The following PCDHGA8 variants were observed in gnomAD, a reference collection of about 807,000 sequenced individuals.
PCDHGA8 encodes the protein protocadherin gamma subfamily A, 8, also known as protocadherin gamma-A8.
In PCDHGA8, 45 loss-of-function variants were observed where a neutral mutation model predicts 59.2. The ratio of observed to expected loss-of-function variants is 0.76; its 90% CI spans 0.60 to 0.98. The LOEUF (loss-of-function observed/expected upper bound fraction) is 0.98, where lower values mean the gene tolerates loss of function less well. PCDHGA8 is among the 50% of genes least tolerant of loss of function. PCDHGA8 has a pLI of 0.00. For missense variants in PCDHGA8, 1,257 were observed against 1,196.2 expected (o/e 1.05, Z -0.75); for synonymous variants, 531 against 519.0 (o/e 1.02, Z -0.32).
At position 141,393,516 on chromosome 5, in the gene PCDHGA8, A is replaced by G. The variant is rs368866192; in HGVS notation, c.703A>G (p.Thr235Ala). 1.5e-5 allele frequency: 24 copies of G among 1,614,046 alleles called. No homozygotes were observed. Among genetic ancestry groups the G allele is most frequent in the African/African-American group, 2.7e-5 (2 of 75,084 alleles). ...TVRIHVTVLD[T>A]NDNAPVFPHP... ...GCGCATCCACGTGACAGTGTTGGAT[A>G]CAAATGACAATGCCCCGGTTTTTCC... is the stretch of plus-strand genomic sequence containing the variant. The change falls in exon 1 of 4, where the codon ACA becomes GCA. Residue 235 changes from threonine to alanine, a missense_variant. Transcript: ENST00000398604.
intron 1 of PCDHGA8, chr5:141,409,553 G>T: frequency 6.2e-7 from 1 of 1,613,972 alleles, no homozygotes; most frequent in Non-Finnish European, 8.5e-7. Context: ...CAACGCCCCA[G>T]TTTTCGACCA....
Position 141,485,943 on chromosome 5 carries a change from C to T in PCDHGA8, c.2425-8864C>T, listed in dbSNP as rs750871245. On this transcript the variant is annotated intron_variant, in intron 1 of 3. Transcript: ENST00000398604. This position sits in a 1 kb window ranked among gnomAD's most constrained non-coding sequence, Gnocchi z 5.7. Reference sequence around the variant, plus strand: ...ATTAGTGTGTTGGAGAGCGCACCAGCGGGCATGGTGCTCATCCAGCTCAAT... The same window carrying T: ...ATTAGTGTGTTGGAGAGCGCACCAGTGGGCATGGTGCTCATCCAGCTCAAT... The T allele has an allele frequency of 1.9e-6, 3 of 1,614,126 alleles. No homozygotes were observed. In the South Asian group the frequency reaches 3.3e-5, roughly 18 times the overall value.
intron 3 of PCDHGA8, chr5:141,507,000 TGA>T (rs1235660361): frequency 1.3e-5 from 2 of 152,218 alleles, no homozygotes; most frequent in African/African-American, 4.8e-5. Flanking sequence ...ACTCGACAGA[TGA>T]GAGAACCGAG....
chr5:141,485,466 T>C lies in PCDHGA8; in HGVS notation c.2425-9341T>C, dbSNP rs1485922901. ...ATCGACCGAGAGGCACTGTGTGGGC[T>C]CAGTGCCAGCTGCATCGTGCCCCTG... On this transcript the variant is annotated intron_variant, in intron 1 of 3. Transcript: ENST00000398604. The surrounding 1 kb of genome is among the most constrained non-coding windows in gnomAD (Gnocchi z 5.7). 6.2e-7 allele frequency: 1 copy of C among 1,613,868 alleles called. No individual in the cohort carries two copies. Among genetic ancestry groups the C allele is most frequent in the Non-Finnish European group, 8.5e-7 (1 of 1,179,924 alleles).
Position 141,477,650 on chromosome 5 carries a change from A to C in PCDHGA8, c.2425-17157A>C. The C allele has an allele frequency of 6.2e-7, 1 of 1,614,210 alleles. No homozygotes were observed. Among genetic ancestry groups the C allele is most frequent in the Non-Finnish European group, 8.5e-7 (1 of 1,180,036 alleles). On this transcript the variant is annotated intron_variant, in intron 1 of 3. Coordinates refer to ENST00000398604, the MANE Select transcript of PCDHGA8 (RefSeq NM_032088.2). The surrounding 1 kb of genome is among the most constrained non-coding windows in gnomAD (Gnocchi z 4.9). The stretch of plus-strand genomic sequence containing the variant: ...CGGGCTAGTGGGTCGCTATTTCACA[A>C]TAAATCGTGACAATGGCATAGTGTC...
intron 1 of PCDHGA8, chr5:141,404,241 C>A (rs960579159): frequency 6.2e-7 from 1 of 1,613,458 alleles, no homozygotes; most frequent in African/African-American, 1.3e-5. Context: ...AGAGGAACTC[C>A]GCCCCTGTCC....
At chr5:141,472,980 CAAAA>C (rs60579131) in intron 1 of PCDHGA8, among the ~76,000 whole-genome samples, 3 of 86,106 alleles carry the variant, frequency 3.5e-5, no homozygotes, top group Admixed American at 1.2e-4. Context: ...GAGTGAAACT[CAAAA>C]AAAAAAAAAA....
In PCDHGA8 at chr5:141,432,002, G is replaced by T; in HGVS notation, c.2424+36765G>T. The T allele has an allele frequency of 6.2e-7, 1 of 1,614,186 alleles. No homozygotes were observed. The highest frequency in any genetic ancestry group is 1.1e-5 in the South Asian group (1 of 91,090). ...AGACATAGTCTTGGATAGGGAACAGGTTCCTAGCTACAACATCACAGTGAC... is the reference window on the plus strand; with the variant it reads ...AGACATAGTCTTGGATAGGGAACAGTTTCCTAGCTACAACATCACAGTGAC... On this transcript the variant is annotated intron_variant, in intron 1 of 3. Coordinates refer to ENST00000398604, the MANE Select transcript of PCDHGA8 (RefSeq NM_032088.2). The surrounding 1 kb of genome is among the most constrained non-coding windows in gnomAD (Gnocchi z 6.0).
intron 1 of PCDHGA8, chr5:141,409,037 T>G (rs770619339): frequency 1.2e-6 from 2 of 1,613,992 alleles, no homozygotes; most frequent in South Asian, 2.2e-5. Context: ...TGAGATAAAC[T>G]ACTACTTCCG....
intron 1 of PCDHGA8, chr5:141,400,483 C>G (rs748464990): frequency 1.4e-5 from 22 of 1,613,902 alleles, no homozygotes; most frequent in Non-Finnish European, 1.7e-5. Context: ...GGCCTTATTT[C>G]CACTTTGTAA....
chr5:141,403,540 G>A (rs752983401), intron 1 of PCDHGA8: 2 of 1,613,886 alleles, frequency 1.2e-6, no homozygotes, highest in African/African-American at 2.7e-5. Context: ...AGCTGGTGCT[G>A]GAGCGCGCCC....
chr5:141,459,260 T>G (rs551625614), intron 1 of PCDHGA8, among the ~76,000 whole-genome samples: 1 of 152,344 alleles, frequency 6.6e-6, no homozygotes, highest in South Asian at 2.1e-4. Flanking sequence ...TAAATTAGTG[T>G]TGCCTCTTTC....
intron 1 of PCDHGA8, among the ~76,000 whole-genome samples, chr5:141,472,409 C>T (rs2099279484): frequency 6.6e-6 from 1 of 152,016 alleles, no homozygotes; most frequent in South Asian, 2.1e-4. Flanking sequence ...GGCGTGGTGG[C>T]ACGCACCTGT....
Position 141,490,142 on chromosome 5 carries a change from C to A in PCDHGA8, c.2425-4665C>A. On this transcript the variant is annotated intron_variant, in intron 1 of 3. Coordinates refer to ENST00000398604, the MANE Select transcript of PCDHGA8 (RefSeq NM_032088.2). This position sits in a 1 kb window ranked among gnomAD's most constrained non-coding sequence, Gnocchi z 5.4. The stretch of plus-strand genomic sequence containing the variant: ...TTTGGCCTAGACCCTAGCAGTGGGG[C>A]AATCCATGTGTTGGGTCCCATAGAC... The A allele has an allele frequency of 1.9e-6, 3 of 1,614,220 alleles. No individual in the cohort carries two copies. The highest frequency in any genetic ancestry group is 2.7e-5 in the African/African-American group (2 of 75,060).
chr5:141,410,078 G>T, intron 1 of PCDHGA8: 4 of 1,612,820 alleles, frequency 2.5e-6, no homozygotes, highest in East Asian at 2.2e-5. Flanking sequence ...CACTGGGGAG[G>T]TGCGCACGGC....
chr5:141,511,411 A>T lies in PCDHGA8; in HGVS notation c.*238A>T. On this transcript the variant is annotated 3_prime_UTR_variant, in exon 4 of 4. Transcript: ENST00000398604. ...GAACCCCCATCCAATCAACTGCTGTACCCATGGGGGTAGTGGGGTTACTGT... is the reference window on the plus strand; with the variant it reads ...GAACCCCCATCCAATCAACTGCTGTTCCCATGGGGGTAGTGGGGTTACTGT... 1.1e-6 allele frequency: 1 copy of T among 901,334 alleles called. No individual in the cohort carries two copies. Among genetic ancestry groups the T allele is most frequent in the Non-Finnish European group, 1.6e-6 (1 of 617,750 alleles). 55.8% of individuals were successfully genotyped at this position (901,334 alleles called of 1,614,324 possible).
intron 2 of PCDHGA8, among the ~76,000 whole-genome samples, chr5:141,502,194 T>C (rs1470985683): frequency 2.6e-5 from 4 of 152,212 alleles, no homozygotes; most frequent in Non-Finnish European, 4.4e-5. Flanking sequence ...TACAATAATA[T>C]AGAATCCACC....
intron 1 of PCDHGA8, chr5:141,441,665 A>G (rs994092543): frequency 2.3e-5 from 6 of 265,720 alleles, no homozygotes; most frequent in Non-Finnish European, 3.7e-5. Context: ...CCTTGAGCGC[A>G]CAGTGCGCCT....
chr5:141,458,701 C>A (rs1057501287), intron 1 of PCDHGA8, among the ~76,000 whole-genome samples: 3 of 152,088 alleles, frequency 2.0e-5, no homozygotes, highest in Non-Finnish European at 2.9e-5. Context: ...TCCCGAGTAG[C>A]TGGGATTACA....
Sources: allele counts gnomAD v4.1 joint callset (sites outside exome capture counted in the v4.1 genomes callset), GRCh38; gene constraint gnomAD v4.1.1; non-coding constraint Gnocchi (gnomAD v3.1); transcripts MANE v1.5; gene names NCBI Gene and HGNC (gene_info 2026-07-23, HGNC 2026-07-21).